NLGN1: variants seen among roughly 807,000 people sequenced by gnomAD.
The protein encoded by NLGN1 is neuroligin-1.
A neutral mutation model predicts 65.5 loss-of-function variants in NLGN1; 12 were observed. That is an observed-to-expected ratio of 0.18 (90% CI 0.12 to 0.30). The LOEUF (loss-of-function observed/expected upper bound fraction) is 0.30. Ranked by LOEUF, NLGN1 falls within the 10% of genes least tolerant of loss-of-function variation. The pLI is 1.00. For synonymous variants in NLGN1, 350 were observed against 359.5 expected (o/e 0.97, Z 0.30); for missense variants, 750 against 1,007.1 (o/e 0.74, Z 3.46).
chr3:174,093,943 G>A (rs1230942456), intron 4 of NLGN1, among the ~76,000 whole-genome samples: 3 of 151,634 alleles, frequency 2.0e-5, no homozygotes, highest in Non-Finnish European at 4.4e-5. Context: ...ATAAAATTTA[G>A]TATCACAGTT....
At chr3:173,632,837 GTTTTTTTTTTTGTTT>G (rs1182631497) in intron 3 of NLGN1, among the ~76,000 whole-genome samples, 4 of 117,808 alleles carry the variant, frequency 3.4e-5, no homozygotes, top group South Asian at 5.8e-4. Flanking sequence ...CTTGAGTAGT[GTTTTTTTTTTTGTTT>G]TTTTTTTTTT....
chr3:173,616,067 G>C (rs1753019810), intron 3 of NLGN1, among the ~76,000 whole-genome samples: 4 of 151,476 alleles, frequency 2.6e-5, no homozygotes. Flanking sequence ...GGAGGCAAGG[G>C]GCATTGAGGG....
intron 4 of NLGN1, among the ~76,000 whole-genome samples, chr3:173,927,798 T>A (rs571212373): frequency 2.4e-4 from 36 of 152,048 alleles, no homozygotes; most frequent in Non-Finnish European, 1.0e-4. Flanking sequence ...CAAACAGGTA[T>A]GCTGGTGTGT....
intron 1 of NLGN1, among the ~76,000 whole-genome samples, chr3:173,424,652 G>A (rs191379957): frequency 3.2e-4 from 49 of 152,282 alleles, no homozygotes; most frequent in African/African-American, 1.1e-3. Context: ...CTTTGCTAAA[G>A]CATAGCATGA....
intron 4 of NLGN1, among the ~76,000 whole-genome samples, chr3:173,823,286 A>G (rs1014670349): frequency 1.3e-5 from 2 of 152,076 alleles, no homozygotes; most frequent in Admixed American, 1.3e-4. Flanking sequence ...ATACTGCAAT[A>G]CACATACATA....
chr3:174,141,374 A>G (rs898350144), intron 4 of NLGN1, among the ~76,000 whole-genome samples: 1 of 151,912 alleles, frequency 6.6e-6, no homozygotes, highest in Admixed American at 6.6e-5. Flanking sequence ...TTTAAATGCC[A>G]AAATTCAAAA....
chr3:173,411,185 T>C (rs1417974954), intron 1 of NLGN1, among the ~76,000 whole-genome samples: 3 of 152,230 alleles, frequency 2.0e-5, no homozygotes. Context: ...TGAGAGAGCC[T>C]GCAGATTGCT....
At chr3:174,034,752 G>GA (rs1272402327) in intron 4 of NLGN1, among the ~76,000 whole-genome samples, 1 of 152,006 alleles carries the variant, frequency 6.6e-6, no homozygotes, top group Non-Finnish European at 1.5e-5. Context: ...AGAAAATGCA[G>GA]AAAAAATTTG....
chr3:173,601,374 A>G (rs1356398233), intron 2 of NLGN1, among the ~76,000 whole-genome samples: 1 of 152,084 alleles, frequency 6.6e-6, no homozygotes, highest in Non-Finnish European at 1.5e-5. Flanking sequence ...CAATTAATTG[A>G]TTAGTTGCTA....
At chr3:173,531,389 C>T (rs1736544022) in intron 2 of NLGN1, among the ~76,000 whole-genome samples, 1 of 151,940 alleles carries the variant, frequency 6.6e-6, no homozygotes, top group Admixed American at 6.6e-5. Context: ...TGCTTATTCT[C>T]TAGGATGTTT....
At chr3:173,941,902 A>G (rs530267028) in intron 4 of NLGN1, among the ~76,000 whole-genome samples, 3 of 151,870 alleles carry the variant, frequency 2.0e-5, no homozygotes, top group Non-Finnish European at 4.4e-5. Context: ...AACCATAAAT[A>G]CATGTCCATT....
intron 4 of NLGN1, among the ~76,000 whole-genome samples, chr3:174,255,637 CTATT>C (rs140772917): frequency 0.41 from 57,685 of 141,646 alleles, 11,665 homozygotes; most frequent in South Asian, 0.49. Flanking sequence ...TTCTTTTCTT[CTATT>C]TATTTATTTA....
At chr3:174,124,740 A>G (rs965576693) in intron 4 of NLGN1, among the ~76,000 whole-genome samples, 32 of 150,838 alleles carry the variant, frequency 2.1e-4, no homozygotes, top group African/African-American at 7.7e-4. Context: ...GTATATACAT[A>G]TATTACACAC....
chr3:174,060,648 T>C (rs1352500446), intron 4 of NLGN1, among the ~76,000 whole-genome samples: 1 of 152,100 alleles, frequency 6.6e-6, no homozygotes, highest in South Asian at 2.1e-4. Flanking sequence ...CCACTTTCAG[T>C]CAATCAATCA....
In NLGN1 at chr3:173,943,885, A is replaced by G. The variant is rs116223858; in HGVS notation, c.646+136053A>G. Reference sequence around the variant, plus strand: ...AATGTTTTGCAGCTGCTAAAGAATTATTTACAAAGTAGTAAAACAGAGAAA... The same window carrying G: ...AATGTTTTGCAGCTGCTAAAGAATTGTTTACAAAGTAGTAAAACAGAGAAA... On this transcript the variant is annotated intron_variant, in intron 4 of 6. Coordinates refer to ENST00000457714, the Ensembl canonical transcript of NLGN1. Among the ~76,000 whole-genome samples, 495 of 152,290 alleles carry G rather than the reference A, an allele frequency of 3.3e-3. 2 individuals are homozygous for G. Among genetic ancestry groups the G allele is most frequent in the African/African-American group, 0.011 (465 of 41,568 alleles).
chr3:173,675,505 C>G (rs1442704082), intron 3 of NLGN1, among the ~76,000 whole-genome samples: 1 of 152,060 alleles, frequency 6.6e-6, no homozygotes, highest in Non-Finnish European at 1.5e-5. Context: ...ATCTGATTAT[C>G]AAACCATAGG....
intron 3 of NLGN1, among the ~76,000 whole-genome samples, chr3:173,698,950 A>G (rs1474132691): frequency 6.6e-6 from 1 of 152,046 alleles, no homozygotes; most frequent in East Asian, 1.9e-4. Context: ...TCCACCTCCC[A>G]GGTTCAAGCG....
At chr3:174,025,634 A>G (rs2152463772) in intron 4 of NLGN1, among the ~76,000 whole-genome samples, 1 of 152,310 alleles carries the variant, frequency 6.6e-6, no homozygotes, top group South Asian at 2.1e-4. Context: ...GTAAATAGGA[A>G]AAAAGACAAA....
At chr3:174,144,717 T>C (rs1363296933) in intron 4 of NLGN1, among the ~76,000 whole-genome samples, 2 of 152,230 alleles carry the variant, frequency 1.3e-5, no homozygotes, top group Non-Finnish European at 2.9e-5. Context: ...ATATCTTCTT[T>C]TGAGAAGTGT....
Sources: gnomAD v4.1 joint callset for allele counts (sites outside exome capture counted in the v4.1 genomes callset) on GRCh38, gnomAD v4.1.1 for gene constraint, MANE v1.5 for transcripts, NCBI Gene and HGNC (gene_info 2026-07-23, HGNC 2026-07-21) for gene names.